POTEF: variants seen among roughly 807,000 people sequenced by gnomAD.
POTEF encodes ANKRD26-like family C member 1B.
In POTEF, 20 loss-of-function variants were observed where a neutral mutation model predicts 83.2. The ratio of observed to expected loss-of-function variants is 0.24; its 90% confidence interval spans 0.17 to 0.35. POTEF has a LOEUF of 0.35. POTEF is among the 10% of genes least tolerant of loss of function. The probability of loss-of-function intolerance (pLI) is 1.00; values close to 1 mark genes in which losing one functional copy is unlikely to be tolerated. For synonymous variants in POTEF, 196 were observed against 446.4 expected, an observed-to-expected ratio of 0.44 and a Z score of 7.07; for missense variants, 550 against 1,203.2, an observed-to-expected ratio of 0.46 and a Z score of 8.03.
chr2:130,075,578 T>C lies in POTEF; in HGVS notation c.1900-6A>G, dbSNP rs774046738. On this transcript the variant is annotated splice_region_variant and splice_polypyrimidine_tract_variant and intron_variant, in intron 16 of 16. Coordinates refer to ENST00000409914, the MANE Select transcript of POTEF (RefSeq NM_001099771.2). ...TTCTTACAACTAAGAGAAAGCTAAGTAAACAAAGAGAACTTTTAGTTAGCA... is the reference window on the plus strand; with the variant it reads ...TTCTTACAACTAAGAGAAAGCTAAGCAAACAAAGAGAACTTTTAGTTAGCA... 1.6e-5 allele frequency: 26 copies of C among 1,607,740 alleles called. 1 individual carries two copies. The highest frequency in any genetic ancestry group is 2.2e-5 in the East Asian group (1 of 44,850).
At chr2:130,115,814 T>C (rs1024326374) in intron 3 of POTEF, among the ~76,000 whole-genome samples, 5 of 152,302 alleles carry the variant, frequency 3.3e-5, no homozygotes, top group African/African-American at 1.2e-4. Context: ...GATACAATTA[T>C]ACCTACACTT....
rs1468399002 is a variant in POTEF, at chr2:130,075,448, T to A, written c.2024A>T (p.Lys675Ile). ...MKHQSQLREKKYLEDIESVKK... is the reference protein window; with the variant it reads ...MKHQSQLREKIYLEDIESVKK... ...CACACTTTCAATATCCTCCAAATAT[T>A]TCTTTTCTCTTAGCTGGCTCTGATG... Residue 675 changes from lysine (K) to isoleucine (I), a missense_variant, in exon 17 of 17, where the codon AAA (lysine) becomes ATA (isoleucine). Transcript: ENST00000409914. 12 of 1,611,370 alleles carry A rather than the reference T, an allele frequency of 7.4e-6. No individual in the cohort carries two copies. Among genetic ancestry groups the A allele is most frequent in the African/African-American group, 1.3e-5 (1 of 74,650 alleles).
intron 11 of POTEF, among the ~76,000 whole-genome samples, chr2:130,094,656 T>C (rs1223418830): frequency 1.0e-4 from 2 of 20,092 alleles, no homozygotes; most frequent in South Asian, 1.4e-3. Flanking sequence ...CTTCAAAAAT[T>C]TGTGTGGCCG....
chr2:130,108,170 C>G lies in POTEF; in HGVS notation c.1056-91G>C, dbSNP rs865911268. On this transcript the variant is annotated intron_variant, in intron 7 of 16. Coordinates refer to ENST00000409914, the MANE Select transcript of POTEF (RefSeq NM_001099771.2). ...GTAGAATTATTAAGAGTATTTCAAA[C>G]AATATCAGAATAACAGAACTTAATA... 1.5e-5 allele frequency: 22 copies of G among 1,489,352 alleles called. 1 individual carries two copies. The African/African-American group carries it at 1.9e-4, about 13-fold the overall frequency. The allele number at this position is 1,489,352 out of a possible 1,614,324, so 92.3% of individuals were successfully genotyped here. A position where few individuals can be genotyped will look rare whatever the true frequency, so the allele number is the denominator to read the frequency against.
intron 1 of POTEF, among the ~76,000 whole-genome samples, chr2:130,128,843 T>C (rs1573621612): frequency 9.9e-6 from 1 of 101,234 alleles, no homozygotes; most frequent in East Asian, 3.4e-4. Context: ...CCACCGGCAG[T>C]ACACGTTAGT....
chr2:130,123,207 C>A (rs1264221117), intron 2 of POTEF, among the ~76,000 whole-genome samples: 3 of 142,238 alleles, frequency 2.1e-5, no homozygotes, highest in Non-Finnish European at 4.5e-5. Context: ...TTCAAACACA[C>A]TAAAAGGTTT....
At chr2:130,106,289 CA>C (rs1343959025) in intron 8 of POTEF, among the ~76,000 whole-genome samples, 1 of 150,152 alleles carries the variant, frequency 6.7e-6, no homozygotes, top group East Asian at 1.9e-4. Context: ...TTTCCCATGG[CA>C]CACAGGATAA....
At chr2:130,125,846 CA>C (rs1685078686) in intron 2 of POTEF, among the ~76,000 whole-genome samples, 2 of 150,050 alleles carry the variant, frequency 1.3e-5, no homozygotes, top group Admixed American at 1.3e-4. Flanking sequence ...GCAGGGGTTG[CA>C]GTGAGCCAAG....
intron 8 of POTEF, among the ~76,000 whole-genome samples, chr2:130,105,409 G>A (rs1416048486): frequency 6.6e-6 from 1 of 151,634 alleles, no homozygotes; most frequent in Non-Finnish European, 1.5e-5. Flanking sequence ...CTCCAAGGAT[G>A]TATGACAAGG....
chr2:130,127,324 C>CAAAAAAAA (rs57173649), intron 2 of POTEF, among the ~76,000 whole-genome samples: 2 of 12,448 alleles, frequency 1.6e-4, no homozygotes, highest in African/African-American at 3.3e-4. Flanking sequence ...GACTCTGTCT[C>CAAAAAAAA]AAAAAAAAAA....
chr2:130,112,848 T>C (rs1684747741), intron 5 of POTEF, among the ~76,000 whole-genome samples: 1 of 151,526 alleles, frequency 6.6e-6, no homozygotes, highest in Admixed American at 6.6e-5. Context: ...TTTGCTACTA[T>C]TCTAATTGAG....
chr2:130,093,038 C>T (rs1684168024), intron 12 of POTEF, among the ~76,000 whole-genome samples: 1 of 143,562 alleles, frequency 7.0e-6, no homozygotes, highest in Admixed American at 7.0e-5. Context: ...ACTCTGTCTC[C>T]AGTCAGATCA....
Position 130,105,272 on chromosome 2 carries a change from G to C in POTEF, c.1126+2737C>G, listed in dbSNP as rs537261552. 6.6e-5 allele frequency among the ~76,000 whole-genome samples: 10 copies of C among 151,236 alleles called. No individual in the cohort carries two copies. In the East Asian group the frequency reaches 1.2e-3, roughly 18 times the overall value. On this transcript the variant is annotated intron_variant, in intron 8 of 16. Coordinates refer to ENST00000409914, the MANE Select transcript of POTEF (RefSeq NM_001099771.2). ...TTATTTCTTACATAAAAAAAATTAA[G>C]CAAAACAAATGAAAAAAGCATAACA...
At chr2:130,121,192 T>C (rs1475678026) in intron 2 of POTEF, among the ~76,000 whole-genome samples, 2 of 150,498 alleles carry the variant, frequency 1.3e-5, no homozygotes, top group African/African-American at 4.9e-5. Context: ...CACTGGCCGA[T>C]GCATGCAACG....
chr2:130,126,771 T>G (rs1342343709), intron 2 of POTEF, among the ~76,000 whole-genome samples: 1 of 151,828 alleles, frequency 6.6e-6, no homozygotes, highest in South Asian at 2.1e-4. Context: ...TACAACACAG[T>G]GACAATTTTG....
intron 4 of POTEF, 71 bp from the exon 5 acceptor site, chr2:130,115,125 A>C (rs1319723570): frequency 5.0e-6 from 8 of 1,609,448 alleles, no homozygotes; most frequent in East Asian, 2.2e-5. Context: ...GCTTTCACCA[A>C]CTAGTTATAT....
At chr2:130,078,341 C>T (rs1683872448) in intron 15 of POTEF, among the ~76,000 whole-genome samples, 1 of 90,538 alleles carries the variant, frequency 1.1e-5, no homozygotes, top group Non-Finnish European at 2.4e-5. Context: ...CAATCCAATC[C>T]CTTTTACAGT....
chr2:130,102,945 C>T (rs1684414386), intron 8 of POTEF, among the ~76,000 whole-genome samples: 1 of 151,466 alleles, frequency 6.6e-6, no homozygotes, highest in African/African-American at 2.5e-5. Flanking sequence ...GTTTCACCCA[C>T]TTGGTCTCTC....
At position 130,075,208 on chromosome 2, in the gene POTEF, C is replaced by T; in HGVS notation, c.2264G>A (p.Gly755Asp). The T allele has an allele frequency of 6.2e-7, 1 of 1,612,660 alleles. No individual in the cohort carries two copies. The highest frequency in any genetic ancestry group is 1.1e-5 in the South Asian group (1 of 91,020). ...GGMHQKESYV[G>D]KEAQSKRGIL... ...GCCTCTTTTGCTCTGGGCCTCCTTG[C>T]CCACATAGGACTCTTTCTGATGCAT... Residue 755 changes from glycine (G) to aspartate (D), a missense_variant, in exon 17 of 17, where the codon GGC (glycine) becomes GAC (aspartate). Coordinates refer to ENST00000409914, the MANE Select transcript of POTEF (RefSeq NM_001099771.2).
Sources: gnomAD v4.1 joint callset for allele counts (sites outside exome capture counted in the v4.1 genomes callset) on GRCh38, gnomAD v4.1.1 for gene constraint, MANE v1.5 for transcripts, NCBI Gene and HGNC (gene_info 2026-07-23, HGNC 2026-07-21) for gene names.